ZNF366: variants seen among roughly 807,000 people sequenced by gnomAD.
ZNF366 encodes the protein zinc finger protein 366.
A neutral mutation model predicts 47.2 loss-of-function variants in ZNF366; 20 were observed. That is an observed-to-expected ratio of 0.42 (90% CI 0.30 to 0.62). The LOEUF (loss-of-function observed/expected upper bound fraction) is 0.62. Among genes scored for constraint, ZNF366 ranks in the 20% least tolerant of loss-of-function variants. The pLI is 0.16. For synonymous variants in ZNF366, 421 were observed against 395.1 expected, an observed-to-expected ratio of 1.07 and a Z score of -0.78; for missense variants, 987 against 976.3, an observed-to-expected ratio of 1.01 and a Z score of -0.15.
chr5:72,455,257 G>A (rs996631707), intron 3 of ZNF366, among the ~76,000 whole-genome samples: 4 of 152,086 alleles, frequency 2.6e-5, no homozygotes, highest in Non-Finnish European at 5.9e-5. Context: ...TCCAAGAGTT[G>A]CCAACACAGG....
chr5:72,488,165 A>G (rs10462395), intron 1 of ZNF366, among the ~76,000 whole-genome samples: 31,205 of 151,318 alleles, frequency 0.21, 3,393 homozygotes, highest in East Asian at 0.4. Context: ...CCAAGATTGC[A>G]CCATTGCACT....
At chr5:72,505,837 G>A (rs1240143792) in intron 1 of ZNF366, among the ~76,000 whole-genome samples, 1 of 152,210 alleles carries the variant, frequency 6.6e-6, no homozygotes, top group Admixed American at 6.5e-5. Flanking sequence ...TAGGGTAGCA[G>A]TAAAACACTT....
chr5:72,459,695 G>C (rs1308624094), intron 2 of ZNF366, among the ~76,000 whole-genome samples: 4 of 152,192 alleles, frequency 2.6e-5, no homozygotes, highest in African/African-American at 9.6e-5. Context: ...TCTCACAGTT[G>C]AGGGAGAAAA....
chr5:72,459,213 T>C (rs1396059776), intron 2 of ZNF366, among the ~76,000 whole-genome samples: 1 of 152,238 alleles, frequency 6.6e-6, no homozygotes, highest in African/African-American at 2.4e-5. Flanking sequence ...AAACATTATC[T>C]TGGCTGGGCA....
intron 1 of ZNF366, among the ~76,000 whole-genome samples, chr5:72,462,779 G>T (rs138566153): frequency 0.011 from 1,726 of 152,164 alleles, 17 homozygotes; most frequent in Middle Eastern, 0.065. Context: ...TTGAACTCCC[G>T]ATCTCAAGTG....
At chr5:72,498,943 A>T (rs1744160917) in intron 1 of ZNF366, among the ~76,000 whole-genome samples, 1 of 152,222 alleles carries the variant, frequency 6.6e-6, no homozygotes, top group Admixed American at 6.5e-5. Context: ...AACTGCATGT[A>T]TTAAAGATGT....
In ZNF366 at chr5:72,440,588, C is replaced by T. The variant is rs777582445; in HGVS notation, c.*3168G>A. The T allele has an allele frequency of 3.3e-5, 5 of 152,238 alleles. No homozygotes were observed. The highest frequency in any genetic ancestry group is 6.5e-5 in the Admixed American group (1 of 15,280). The allele number at this position is 152,238 out of a possible 1,614,324, so 9.4% of individuals were successfully genotyped here. A position where few individuals can be genotyped will look rare whatever the true frequency, so the allele number is the denominator to read the frequency against. ...GGCCCACATGGACTCTCCTTCAAGG[C>T]TTGCCTTCTGGTTCATCAGCTCATT... On this transcript the variant is annotated 3_prime_UTR_variant, in exon 5 of 5. Transcript: ENST00000318442.
At chr5:72,476,833 T>G (rs975962327) in intron 1 of ZNF366, among the ~76,000 whole-genome samples, 2 of 152,110 alleles carry the variant, frequency 1.3e-5, no homozygotes, top group African/African-American at 4.8e-5. Context: ...GCTACCACCA[T>G]AGGGATGGCT....
At chr5:72,506,276 T>C (rs1278053613) in intron 1 of ZNF366, among the ~76,000 whole-genome samples, 1 of 152,252 alleles carries the variant, frequency 6.6e-6, no homozygotes, top group Non-Finnish European at 1.5e-5. Context: ...AACGAGTCTC[T>C]CGGAGTGACC....
chr5:72,460,297 C>T lies in ZNF366; in HGVS notation c.1200G>A (p.Lys400=). ...PIQYNCSECD[K]TFQYPSQLQN... ...GCAGCTGGCTCGGGTACTGGAAGGT[C>T]TTGTCGCACTCGGAGCAGTTGTACT... Residue 400 remains lysine (K), a synonymous_variant, in exon 2 of 5, where the codon AAG becomes AAA. Coordinates refer to ENST00000318442, the MANE Select transcript of ZNF366 (RefSeq NM_152625.3). 6.2e-7 allele frequency: 1 copy of T among 1,614,192 alleles called. No homozygotes were observed. Among genetic ancestry groups the T allele is most frequent in the Non-Finnish European group, 8.5e-7 (1 of 1,180,020 alleles).
intron 1 of ZNF366, among the ~76,000 whole-genome samples, chr5:72,480,047 A>G (rs537420592): frequency 1.3e-4 from 20 of 152,280 alleles, no homozygotes; most frequent in Non-Finnish European, 2.2e-4. Flanking sequence ...TCCAAGGCTC[A>G]TCTAAGGCAG....
At chr5:72,480,290 CT>C in intron 1 of ZNF366, among the ~76,000 whole-genome samples, 1 of 152,310 alleles carries the variant, frequency 6.6e-6, no homozygotes. Flanking sequence ...ATGCCACAGA[CT>C]GAATCTAGAA....
At chr5:72,499,853 T>A (rs1037065802) in intron 1 of ZNF366, among the ~76,000 whole-genome samples, 1 of 152,144 alleles carries the variant, frequency 6.6e-6, no homozygotes, top group African/African-American at 2.4e-5. Context: ...ACGGGAGAGA[T>A]GCCATGGGCT....
intron 1 of ZNF366, among the ~76,000 whole-genome samples, chr5:72,495,603 C>T (rs147392534): frequency 1.2e-4 from 18 of 152,202 alleles, no homozygotes; most frequent in Middle Eastern, 3.4e-3. Context: ...GGAACAAAGC[C>T]GTTGGTTGTG....
At chr5:72,455,557 A>G (rs1217319520) in intron 3 of ZNF366, among the ~76,000 whole-genome samples, 1 of 152,180 alleles carries the variant, frequency 6.6e-6, no homozygotes, top group Non-Finnish European at 1.5e-5. Context: ...AGTCATGGCC[A>G]ATGCTCTCTC....
At chr5:72,487,261 G>T (rs1743909508) in intron 1 of ZNF366, among the ~76,000 whole-genome samples, 1 of 152,140 alleles carries the variant, frequency 6.6e-6, no homozygotes, top group South Asian at 2.1e-4. Context: ...AAAGAGTTTT[G>T]CAACTTTACA....
At chr5:72,482,101 G>A (rs896877397) in intron 1 of ZNF366, among the ~76,000 whole-genome samples, 1 of 152,136 alleles carries the variant, frequency 6.6e-6, no homozygotes, top group Non-Finnish European at 1.5e-5. Flanking sequence ...CCTCTGCACT[G>A]TTTCATCAGT....
chr5:72,458,761 A>G (rs751431757), intron 2 of ZNF366, among the ~76,000 whole-genome samples: 9 of 152,252 alleles, frequency 5.9e-5, no homozygotes, highest in Non-Finnish European at 1.0e-4. Context: ...CACCTGTCAT[A>G]TAGCAAGTGT....
chr5:72,474,539 T>C (rs534659459), intron 1 of ZNF366, among the ~76,000 whole-genome samples: 3 of 152,264 alleles, frequency 2.0e-5, no homozygotes, highest in Non-Finnish European at 4.4e-5. Context: ...AAAGTCCAAA[T>C]TCAGAAAGGA....
Sources: gnomAD v4.1 joint callset for allele counts (sites outside exome capture counted in the v4.1 genomes callset) on GRCh38, gnomAD v4.1.1 for gene constraint, MANE v1.5 for transcripts, NCBI Gene and HGNC (gene_info 2026-07-23, HGNC 2026-07-21) for gene names.